The following DNAJC14 variants were observed in gnomAD, a reference collection of about 807,000 sequenced individuals.
DNAJC14 encodes dnaJ homolog subfamily C member 14.
A neutral mutation model predicts 68.8 loss-of-function variants in DNAJC14; 12 were observed. The ratio of observed to expected loss-of-function variants is 0.17; its 90% CI spans 0.11 to 0.28. DNAJC14 has a LOEUF of 0.28. Among genes scored for constraint, DNAJC14 ranks in the 10% least tolerant of loss-of-function variants. The pLI is 1.00. For synonymous variants in DNAJC14, 350 were observed against 321.5 expected (o/e 1.09, Z -0.95); for missense variants, 764 against 875.6 (o/e 0.87, Z 1.61).
chr12:55,823,371 A>G (rs1880719674), intron 3 of DNAJC14, 31 bp downstream of exon 3: 1 of 1,611,386 alleles, frequency 6.2e-7, no homozygotes, highest in African/African-American at 1.3e-5. Flanking sequence ...TTCATTTACC[A>G]TTATCTGATG....
At position 55,822,006 on chromosome 12, in the gene DNAJC14, T is replaced by G; in HGVS notation, c.2080A>C (p.Lys694Gln). 6.2e-7 allele frequency: 1 copy of G among 1,613,140 alleles called. No homozygotes were observed. The highest frequency in any genetic ancestry group is 1.1e-5 in the South Asian group (1 of 90,958). Residue 694 changes from lysine to glutamine, a missense_variant, in exon 7 of 7, where the codon AAG becomes CAG. Around this residue, in one of 4 missense-constraint regions of DNAJC14, gnomAD observed 134 missense variants for 162.3 expected, o/e 0.83. Transcript: ENST00000678005. The part of the protein sequence containing the change: ...PKGEAKPKRR[K>Q]KVRRPFQR ...CGTTGGAAGGGCCTCCTCACTTTCT[T>G]CCGCCGCTTAGGTTTGGCTTCTCCC...
chr12:55,828,148 ATTCCTC>A lies in DNAJC14; in HGVS notation c.505_510del (p.Glu169_Glu170del). 6.2e-7 allele frequency: 1 copy of A among 1,611,112 alleles called. No homozygotes were observed. Among genetic ancestry groups the A allele is most frequent in the Non-Finnish European group, 8.5e-7 (1 of 1,178,722 alleles). ...AACTTGAGAGATTCTTCATCATCAT[ATTCCTC>A]TTCCAACTCATCTTCCCCCAAAGCT... is the stretch of plus-strand genomic sequence containing the variant. On this transcript the variant is annotated inframe_deletion, in exon 2 of 7. Coordinates refer to ENST00000678005, the MANE Select transcript of DNAJC14 (RefSeq NM_032364.6).
At chr12:55,829,149 T>C (rs1047456108) in intron 1 of DNAJC14, 4 of 986,428 alleles carry the variant, frequency 4.1e-6, no homozygotes, top group Non-Finnish European at 4.8e-6. Flanking sequence ...ACCGGCTGTG[T>C]AGAAGGGACG....
chr12:55,828,617 G>A lies in DNAJC14; in HGVS notation c.42C>T (p.Ala14=), dbSNP rs1880872998. The change falls in exon 2 of 7, where the codon GCC becomes GCT. Residue 14 remains alanine (A), a synonymous_variant. Coordinates refer to ENST00000678005, the MANE Select transcript of DNAJC14 (RefSeq NM_032364.6). The stretch of plus-strand genomic sequence containing the variant: ...TGAGGGAGGCACCACCACTGTGGTG[G>A]GCTCCATACAACCCTCTTTCTCCGG... The part of the protein sequence containing the change: ...KHPGERGLYG[A]HHSGGASLRT... The A allele has an allele frequency of 6.2e-7, 1 of 1,613,974 alleles. No individual in the cohort carries two copies.
chr12:55,829,623 T>C (rs933108680), upstream of DNAJC14: 1 of 984,524 alleles, frequency 1.0e-6, no homozygotes. Flanking sequence ...GCCGGCGACC[T>C]GGGCCTACTT....
At chr12:55,829,618 C>G, upstream of DNAJC14, 1 of 985,172 alleles carries the variant, frequency 1.0e-6, no homozygotes, top group Non-Finnish European at 1.2e-6. Context: ...CGGCCGCCGG[C>G]GACCTGGGCC....
chr12:55,827,633 T>C lies in DNAJC14; in HGVS notation c.1026A>G (p.Leu342=), dbSNP rs201727020. 28 of 1,611,714 alleles carry C rather than the reference T, an allele frequency of 1.7e-5. No individual in the cohort carries two copies. In the East Asian group the frequency reaches 2.0e-4, roughly 12 times the overall value. ...CCACCAGAAACCGCCATCCCAACTG[T>C]AGAAAGCCCAAAAAGAGGGCCAGAG... ...LLALALFLGF[L]QLGWRFLVGL... Residue 342 remains leucine, a synonymous_variant, in exon 2 of 7, where the codon CTA becomes CTG. Coordinates refer to ENST00000678005, the MANE Select transcript of DNAJC14 (RefSeq NM_032364.6).
intron 6 of DNAJC14, 69 bp from the exon 7 acceptor site, chr12:55,822,256 T>TA (rs1281133180): frequency 6.5e-7 from 1 of 1,529,144 alleles, no homozygotes. Context: ...TAGATATACT[T>TA]ATCAGTTCCC....
intron 2 of DNAJC14, among the ~76,000 whole-genome samples, chr12:55,825,839 T>C (rs2136218983): frequency 6.6e-6 from 1 of 151,836 alleles, no homozygotes; most frequent in East Asian, 2.0e-4. Context: ...CCACCGCGCC[T>C]GGCCCTGCAC....
chr12:55,827,190 CAAA>C (rs67133580), intron 2 of DNAJC14, 59 bp downstream of exon 2: 10,601 of 1,126,980 alleles, frequency 9.4e-3, no homozygotes, highest in South Asian at 0.019. Context: ...GACTACATCT[CAAA>C]AAAAAAAAAA....
Position 55,829,514 on chromosome 12 carries a change from C to T in DNAJC14, c.-82G>A. On this transcript the variant is annotated 5_prime_UTR_variant, in exon 1 of 7. Coordinates refer to ENST00000678005, the MANE Select transcript of DNAJC14 (RefSeq NM_032364.6). Reference sequence around the variant, plus strand: ...CGAAGAACGGCGGTAACTCCTCCCCCTCGAGCCGCCCGGCCTGGGGCCAGG... The same window carrying T: ...CGAAGAACGGCGGTAACTCCTCCCCTTCGAGCCGCCCGGCCTGGGGCCAGG... 1.0e-6 allele frequency: 1 copy of T among 985,394 alleles called. No individual in the cohort carries two copies. Among genetic ancestry groups the T allele is most frequent in the Non-Finnish European group, 1.2e-6 (1 of 829,914 alleles). 61.0% of individuals were successfully genotyped at this position (985,394 alleles called of 1,614,324 possible). A position where few individuals can be genotyped will look rare whatever the true frequency, so the allele number is the denominator to read the frequency against.
Position 55,828,156 on chromosome 12 carries a change from T to C in DNAJC14, c.503A>G (p.Glu168Gly), listed in dbSNP as rs761048887. The C allele has an allele frequency of 8.1e-6, 13 of 1,611,688 alleles. No homozygotes were observed. In the East Asian group the frequency reaches 2.5e-4, roughly 30 times the overall value. The change falls in exon 2 of 7, where the codon GAA becomes GGA. Residue 168 changes from glutamate to glycine, a missense_variant. Glu to Gly is a moderately conservative substitution (Grantham distance 98). Transcript: ENST00000678005. Reference sequence around the variant, plus strand: ...AGATTCTTCATCATCATATTCCTCTTCCAACTCATCTTCCCCCAAAGCTGG... The same window carrying C: ...AGATTCTTCATCATCATATTCCTCTCCCAACTCATCTTCCCCCAAAGCTGG... ...TSPALGEDEL[E>G]EEYDDEESLK...
Position 55,827,965 on chromosome 12 carries a change from TATC to T in DNAJC14, c.691_693del (p.Asp231del). On this transcript the variant is annotated inframe_deletion, in exon 2 of 7. Transcript: ENST00000678005. ...CCCCACAATCCCAGGCCTTTGCGCT[TATC>T]TGCCTGACTTCGTTTCCGACCCAGC... 1 of 1,612,790 alleles carries T rather than the reference TATC, an allele frequency of 6.2e-7. No individual in the cohort carries two copies. Among genetic ancestry groups the T allele is most frequent in the Non-Finnish European group, 8.5e-7 (1 of 1,179,410 alleles).
chr12:55,829,452 CA>C (rs1258629419), intron 1 of DNAJC14, 36 bp downstream of exon 1: 17 of 930,296 alleles, frequency 1.8e-5, no homozygotes, highest in Non-Finnish European at 2.0e-5. Context: ...CTCAAAAAAA[CA>C]AAAAAAAACG....
At chr12:55,829,783 G>C, upstream of DNAJC14, 1 of 195,824 alleles carries the variant, frequency 5.1e-6, no homozygotes, top group Non-Finnish European at 9.3e-6. Context: ...CTCCCTCCGC[G>C]TGTGGGAATG....
At chr12:55,827,225 A>C in intron 2 of DNAJC14, 27 bp downstream of exon 2, 1 of 1,401,702 alleles carries the variant, frequency 7.1e-7, no homozygotes, top group Non-Finnish European at 9.3e-7. Flanking sequence ...AACAAAAGAG[A>C]GAAACAGGAA....
chr12:55,828,483 G>A lies in DNAJC14; in HGVS notation c.176C>T (p.Pro59Leu), dbSNP rs924260492. ...GTRCLTEHSG[P>L]KHTQHPNPAH... Reference sequence around the variant, plus strand: ...TGGGTTTGGGTGCTGTGTGTGCTTAGGACCAGAGTGCTCTGTGAGGCAGCG... The same window carrying A: ...TGGGTTTGGGTGCTGTGTGTGCTTAAGACCAGAGTGCTCTGTGAGGCAGCG... The change falls in exon 2 of 7, where the codon CCT becomes CTT. Residue 59 changes from proline (P) to leucine (L), a missense_variant. Physicochemically the swap from Pro to Leu is moderately conservative, Grantham distance 98. Transcript: ENST00000678005. The A allele has an allele frequency of 6.8e-6, 11 of 1,614,158 alleles. No homozygotes were observed. The highest frequency in any genetic ancestry group is 8.5e-6 in the Non-Finnish European group (10 of 1,180,024).
chr12:55,828,743 C>A, intron 1 of DNAJC14, 29 bp from the exon 2 acceptor site: 1 of 1,479,528 alleles, frequency 6.8e-7, no homozygotes, highest in Non-Finnish European at 9.0e-7. Flanking sequence ...TGGAGACAGT[C>A]AAGGATGAGA....
chr12:55,822,081 G>C lies in DNAJC14; in HGVS notation c.2005C>G (p.Pro669Ala). The change falls in exon 7 of 7, where the codon CCT becomes GCT. Residue 669 changes from proline (P) to alanine (A), a missense_variant. Pro to Ala is a conservative substitution (Grantham distance 27, BLOSUM62 -1). Transcript: ENST00000678005. ...PNGNFFAAPQ[P>A]APGAAAASKP... ...GAGGCTGCAGCGGCTCCAGGGGCAG[G>C]CTGAGGAGCTGCAAAGAAGTTCCCA... 2 of 1,614,120 alleles carry C rather than the reference G, an allele frequency of 1.2e-6. No homozygotes were observed. Among genetic ancestry groups the C allele is most frequent in the Non-Finnish European group, 1.7e-6 (2 of 1,179,990 alleles).
Sources: allele counts gnomAD v4.1 joint callset (sites outside exome capture counted in the v4.1 genomes callset), GRCh38; gene constraint gnomAD v4.1.1; regional missense constraint gnomAD v4.1.1; transcripts MANE v1.5; gene names NCBI Gene and HGNC (gene_info 2026-07-23, HGNC 2026-07-21).